Variants in SYNJ2BP observed in about 807,000 individuals in gnomAD.
SYNJ2BP encodes synaptojanin 2 binding protein.
A neutral mutation model predicts 16.9 loss-of-function variants in SYNJ2BP; 10 were observed. The ratio of observed to expected loss-of-function variants is 0.59; its 90% CI spans 0.36 to 1.00. The LOEUF is 1.00. Among genes scored for constraint, SYNJ2BP ranks in the 50% least tolerant of loss-of-function variants. The pLI is 0.01. For missense variants in SYNJ2BP, 162 were observed against 186.7 expected (o/e 0.87, Z 0.77); for synonymous variants, 54 against 68.4 (o/e 0.79, Z 1.04).
At chr14:70,415,550 C>CAAAA (rs1224306215) in intron 1 of SYNJ2BP, among the ~76,000 whole-genome samples, 1 of 65,064 alleles carries the variant, frequency 1.5e-5, no homozygotes, top group Non-Finnish European at 3.3e-5. Flanking sequence ...GACCCTGTCT[C>CAAAA]AAAAAAAAAA....
At chr14:70,379,405 T>A (rs1323746402) in intron 2 of SYNJ2BP, among the ~76,000 whole-genome samples, 4 of 152,212 alleles carry the variant, frequency 2.6e-5, no homozygotes, top group Admixed American at 2.6e-4. Context: ...TATCCTATAC[T>A]CTAGCTAAGT....
In SYNJ2BP at chr14:70,388,460, C is replaced by T; in HGVS notation, c.201+10G>A. 6.5e-7 allele frequency: 1 copy of T among 1,548,556 alleles called. No individual in the cohort carries two copies. The highest frequency in any genetic ancestry group is 8.7e-7 in the Non-Finnish European group (1 of 1,148,944). On this transcript the variant is annotated intron_variant, in intron 2 of 3. Coordinates refer to ENST00000256366, the MANE Select transcript of SYNJ2BP (RefSeq NM_018373.3). ...AAAGGACAGTGAAGGAGGCCGAAGC[C>T]CATTCTCACCGAAAGGATCTTATCA...
Position 70,367,805 on chromosome 14 carries a change from T to TA in SYNJ2BP, c.*5185dup, listed in dbSNP as rs368780141. The stretch of plus-strand genomic sequence containing the variant: ...TCAATCTTCTACTACCAGGTGATGT[T>TA]AAAAAAATACTTTAACATCAAAATC... On this transcript the variant is annotated 3_prime_UTR_variant, in exon 4 of 4. Transcript: ENST00000256366. 7.2e-4 allele frequency: 109 copies of TA among 152,168 alleles called. No homozygotes were observed. Among genetic ancestry groups the TA allele is most frequent in the African/African-American group, 2.4e-3 (100 of 41,508 alleles). The allele number at this position is 152,168 out of a possible 1,614,324, so 9.4% of individuals were successfully genotyped here. A position where few individuals can be genotyped will look rare whatever the true frequency, so the allele number is the denominator to read the frequency against.
At chr14:70,397,560 G>C (rs983748368) in intron 1 of SYNJ2BP, among the ~76,000 whole-genome samples, 1 of 152,174 alleles carries the variant, frequency 6.6e-6, no homozygotes, top group African/African-American at 2.4e-5. Flanking sequence ...CTCTCTGCAA[G>C]GCTACAGCTG....
At chr14:70,415,931 C>G (rs536374033) in intron 1 of SYNJ2BP, among the ~76,000 whole-genome samples, 1 of 152,188 alleles carries the variant, frequency 6.6e-6, no homozygotes, top group Non-Finnish European at 1.5e-5. Context: ...ATTTCATTCT[C>G]ACAACACTAT....
intron 1 of SYNJ2BP, among the ~76,000 whole-genome samples, chr14:70,389,979 A>G (rs1887945311): frequency 6.6e-6 from 1 of 152,220 alleles, no homozygotes; most frequent in African/African-American, 2.4e-5. Flanking sequence ...GCCTACAGAT[A>G]ATACTATATC....
At chr14:70,398,993 C>T (rs1888169560) in intron 1 of SYNJ2BP, among the ~76,000 whole-genome samples, 2 of 152,160 alleles carry the variant, frequency 1.3e-5, no homozygotes, top group Admixed American at 1.3e-4. Flanking sequence ...TCACAAGTGT[C>T]AGGCTCGGAA....
rs1887446955 is a variant in SYNJ2BP, at chr14:70,368,616, G to C, written c.*4375C>G. On this transcript the variant is annotated 3_prime_UTR_variant, in exon 4 of 4. Transcript: ENST00000256366. ...TTTGCTGGAGGTTGATCAATCCTTAGCAAATCAGGAAGAAATGAATGTTCC... is the reference window on the plus strand; with the variant it reads ...TTTGCTGGAGGTTGATCAATCCTTACCAAATCAGGAAGAAATGAATGTTCC... 1 of 152,204 alleles carries C rather than the reference G, an allele frequency of 6.6e-6. No homozygotes were observed. Among genetic ancestry groups the C allele is most frequent in the Non-Finnish European group, 1.5e-5 (1 of 68,038 alleles). 9.4% of individuals were successfully genotyped at this position (152,204 alleles called of 1,614,324 possible).
chr14:70,408,588 G>A (rs946521600), intron 1 of SYNJ2BP, among the ~76,000 whole-genome samples: 9 of 151,050 alleles, frequency 6.0e-5, no homozygotes, highest in African/African-American at 9.8e-5. Context: ...CGGGAGAATC[G>A]CTTGAACCCG....
In SYNJ2BP at chr14:70,371,000, C is replaced by T. The variant is rs1344088825; in HGVS notation, c.*1991G>A. 6.6e-6 allele frequency: 1 copy of T among 152,170 alleles called. No homozygotes were observed. The highest frequency in any genetic ancestry group is 1.5e-5 in the Non-Finnish European group (1 of 68,038). 9.4% of individuals were successfully genotyped at this position (152,170 alleles called of 1,614,324 possible). ...GCACTGTACTTCTTTGTAAAAGTGT[C>T]TTGACAAAGCTGATGTCCAATCAAC... On this transcript the variant is annotated 3_prime_UTR_variant, in exon 4 of 4. Coordinates refer to ENST00000256366, the MANE Select transcript of SYNJ2BP (RefSeq NM_018373.3).
intron 2 of SYNJ2BP, among the ~76,000 whole-genome samples, chr14:70,381,118 G>A (rs551182932): frequency 2.0e-4 from 31 of 152,290 alleles, no homozygotes; most frequent in African/African-American, 7.2e-4. Context: ...ACATAAAGCT[G>A]CAAGGCCTGG....
intron 2 of SYNJ2BP, among the ~76,000 whole-genome samples, chr14:70,386,747 A>G (rs934665208): frequency 1.3e-5 from 2 of 152,262 alleles, no homozygotes; most frequent in African/African-American, 4.8e-5. Flanking sequence ...AAGAGATTTC[A>G]CACATATGAC....
chr14:70,395,257 A>C (rs759997480), intron 1 of SYNJ2BP, among the ~76,000 whole-genome samples: 1 of 152,370 alleles, frequency 6.6e-6, no homozygotes, highest in Middle Eastern at 3.4e-3. Flanking sequence ...ACAAAATCTA[A>C]AAGTTATAAA....
chr14:70,406,951 A>AG (rs1455570884), intron 1 of SYNJ2BP, among the ~76,000 whole-genome samples: 2 of 152,182 alleles, frequency 1.3e-5, no homozygotes, highest in Non-Finnish European at 2.9e-5. Flanking sequence ...GGCTCAGTCT[A>AG]GGCAGCGAGC....
chr14:70,371,905 T>C lies in SYNJ2BP; in HGVS notation c.*1086A>G, dbSNP rs986945451. 1.3e-5 allele frequency: 2 copies of C among 152,226 alleles called. No individual in the cohort carries two copies. Among genetic ancestry groups the C allele is most frequent in the East Asian group, 1.9e-4 (1 of 5,206 alleles). 9.4% of individuals were successfully genotyped at this position (152,226 alleles called of 1,614,324 possible). ...GCTGGGGTGTTTGGCTCCAGCACTA[T>C]AGCCCTTACCACAATCATTCCACCT... On this transcript the variant is annotated 3_prime_UTR_variant, in exon 4 of 4. Transcript: ENST00000256366.
At chr14:70,404,864 G>A (rs1312619395) in intron 1 of SYNJ2BP, among the ~76,000 whole-genome samples, 3 of 152,184 alleles carry the variant, frequency 2.0e-5, no homozygotes, top group African/African-American at 4.8e-5. Context: ...AGCGGTTCAC[G>A]CCTGTAATTC....
intron 2 of SYNJ2BP, among the ~76,000 whole-genome samples, chr14:70,385,411 C>T (rs558640327): frequency 3.3e-4 from 50 of 152,184 alleles, no homozygotes; most frequent in African/African-American, 7.5e-4. Context: ...GGCTGGAGTG[C>T]GCTGGCATGA....
intron 1 of SYNJ2BP, among the ~76,000 whole-genome samples, chr14:70,393,080 C>T (rs1888013839): frequency 6.6e-6 from 1 of 152,086 alleles, no homozygotes; most frequent in Admixed American, 6.5e-5. Context: ...GGCTAATATC[C>T]AGAATCTACA....
At chr14:70,380,440 A>G (rs1887722842) in intron 2 of SYNJ2BP, among the ~76,000 whole-genome samples, 1 of 152,062 alleles carries the variant, frequency 6.6e-6, no homozygotes, top group Non-Finnish European at 1.5e-5. Flanking sequence ...AAGGAGGGCG[A>G]ATCATGAGGT....
Sources: gnomAD v4.1 joint callset for allele counts (sites outside exome capture counted in the v4.1 genomes callset) on GRCh38, gnomAD v4.1.1 for gene constraint, MANE v1.5 for transcripts, NCBI Gene and HGNC (gene_info 2026-07-23, HGNC 2026-07-21) for gene names.